The following DENND1B variants were observed in gnomAD, a reference collection of about 807,000 sequenced individuals.
DENND1B encodes the protein DENN domain containing 1B, also known as DENN domain-containing protein 1B.
In DENND1B, 59 loss-of-function variants were observed where a neutral mutation model predicts 90.1. The ratio of observed to expected loss-of-function variants is 0.65; its 90% CI spans 0.53 to 0.81. The LOEUF (loss-of-function observed/expected upper bound fraction) is 0.81. DENND1B is among the 40% of genes least tolerant of loss of function. The probability of loss-of-function intolerance (pLI) is 0.00; values close to 1 mark genes in which losing one functional copy is unlikely to be tolerated. For synonymous variants in DENND1B, 337 were observed against 324.6 expected, an observed-to-expected ratio of 1.04 and a Z score of -0.41; for missense variants, 862 against 912.6, an observed-to-expected ratio of 0.94 and a Z score of 0.71.
intron 16 of DENND1B, among the ~76,000 whole-genome samples, chr1:197,547,830 C>CA (rs34879882): frequency 1.3e-5 from 2 of 151,856 alleles, no homozygotes; most frequent in Non-Finnish European, 2.9e-5. Flanking sequence ...TAAACAACAA[C>CA]AAAAAAAACC....
chr1:197,741,149 A>T (rs901608060), intron 2 of DENND1B, among the ~76,000 whole-genome samples: 1 of 152,208 alleles, frequency 6.6e-6, no homozygotes, highest in Non-Finnish European at 1.5e-5. Context: ...CTATGTTGAT[A>T]AAGCTTGCTT....
At chr1:197,611,292 T>C (rs965719268) in intron 12 of DENND1B, among the ~76,000 whole-genome samples, 1 of 150,834 alleles carries the variant, frequency 6.6e-6, no homozygotes, top group Non-Finnish European at 1.5e-5. Context: ...TACCAAGACC[T>C]TCCTGGAAAT....
At position 197,617,643 on chromosome 1, in the gene DENND1B, G is replaced by C; in HGVS notation, c.773+16C>G. 6.3e-7 allele frequency: 1 copy of C among 1,592,008 alleles called. No homozygotes were observed. Among genetic ancestry groups the C allele is most frequent in the Non-Finnish European group, 8.6e-7 (1 of 1,162,056 alleles). ...TGAAACCTAAACTTAAAGGAGTCTG[G>C]CAAAAGCCAGCTTACCAGCAGTAGT... is the stretch of plus-strand genomic sequence containing the variant. On this transcript the variant is annotated intron_variant, in intron 11 of 22. Transcript: ENST00000620048.
chr1:197,713,801 T>TATAATATATTATAATAATATAA (rs1483373450), intron 3 of DENND1B, among the ~76,000 whole-genome samples: 1 of 32,586 alleles, frequency 3.1e-5, no homozygotes, highest in Non-Finnish European at 5.8e-5. Context: ...TATTATTATA[T>TATAATATATTATAATAATATAA]TATAATATAT....
intron 15 of DENND1B, among the ~76,000 whole-genome samples, chr1:197,561,725 C>G (rs1385100470): frequency 6.6e-6 from 1 of 151,898 alleles, no homozygotes; most frequent in Non-Finnish European, 1.5e-5. Flanking sequence ...TGCCCACAGT[C>G]TTCCCAATCT....
At chr1:197,620,172 T>A (rs1678025406) in intron 10 of DENND1B, among the ~76,000 whole-genome samples, 1 of 151,148 alleles carries the variant, frequency 6.6e-6, no homozygotes, top group Non-Finnish European at 1.5e-5. Flanking sequence ...ATTCACCTAG[T>A]AGCATGCAAG....
intron 15 of DENND1B, among the ~76,000 whole-genome samples, chr1:197,563,800 A>G (rs1340610554): frequency 1.3e-5 from 2 of 151,994 alleles, no homozygotes. Flanking sequence ...TCACCATTCT[A>G]GATATCATTA....
At chr1:197,634,435 T>C (rs759634174) in intron 10 of DENND1B, among the ~76,000 whole-genome samples, 20 of 152,134 alleles carry the variant, frequency 1.3e-4, no homozygotes, top group Non-Finnish European at 2.5e-4. Context: ...AATGAACAAA[T>C]GAACATTTTT....
intron 15 of DENND1B, among the ~76,000 whole-genome samples, chr1:197,559,467 C>G (rs1245163072): frequency 2.0e-5 from 3 of 151,878 alleles, no homozygotes; most frequent in Admixed American, 6.6e-5. Flanking sequence ...AATCTACACA[C>G]CCAAATTCCT....
At chr1:197,627,568 TATC>T (rs1678886200) in intron 10 of DENND1B, among the ~76,000 whole-genome samples, 1 of 151,970 alleles carries the variant, frequency 6.6e-6, no homozygotes, top group African/African-American at 2.4e-5. Context: ...CCACAGCCAA[TATC>T]ATACTGAATG....
intron 15 of DENND1B, among the ~76,000 whole-genome samples, chr1:197,578,886 C>G (rs1187454742): frequency 6.6e-6 from 1 of 151,868 alleles, no homozygotes; most frequent in Non-Finnish European, 1.5e-5. Context: ...TAGTTAGCCT[C>G]ACATAGTAGC....
intron 3 of DENND1B, among the ~76,000 whole-genome samples, chr1:197,709,848 G>A (rs1481901696): frequency 1.4e-5 from 2 of 141,358 alleles, no homozygotes; most frequent in Non-Finnish European, 3.0e-5. Context: ...CACGTGCAGA[G>A]ACACACATAG....
chr1:197,623,100 C>A (rs1678324507), intron 10 of DENND1B, among the ~76,000 whole-genome samples: 1 of 151,226 alleles, frequency 6.6e-6, no homozygotes, highest in Non-Finnish European at 1.5e-5. Context: ...TTGTAGAAAT[C>A]CTACACTTCA....
At chr1:197,514,312 AT>A (rs1668247943) in intron 20 of DENND1B, among the ~76,000 whole-genome samples, 2 of 151,710 alleles carry the variant, frequency 1.3e-5, no homozygotes, top group African/African-American at 4.8e-5. Flanking sequence ...CCTTTTAACA[AT>A]TTTGAGAGTG....
intron 12 of DENND1B, 80 bp from the exon 13 acceptor site, chr1:197,607,254 T>C (rs1211153461): frequency 3.2e-5 from 30 of 934,348 alleles, no homozygotes; most frequent in Non-Finnish European, 4.6e-5. Context: ...ACAGAAAACA[T>C]TATCTTAATG....
chr1:197,692,279 G>A (rs192636488), intron 3 of DENND1B, among the ~76,000 whole-genome samples: 5 of 151,726 alleles, frequency 3.3e-5, no homozygotes, highest in Non-Finnish European at 7.4e-5. Flanking sequence ...CCAATTCAAA[G>A]CACCTAAATC....
the DENND1B span, among the ~76,000 whole-genome samples, chr1:197,781,438 G>A: frequency 1.3e-5 from 2 of 152,074 alleles, no homozygotes; most frequent in African/African-American, 4.8e-5. Flanking sequence ...ATTTATTGAA[G>A]CTCTTAGGAA....
At position 197,729,771 on chromosome 1, in the gene DENND1B, T is replaced by C. The variant is rs140713385; in HGVS notation, c.83-14697A>G. ...TTTATTCTCTCAAATATCACTGAGG[T>C]CGTCAAAGAACTTTTGTTTAGGTGA... On this transcript the variant is annotated intron_variant, in intron 2 of 22. Coordinates refer to ENST00000620048, the MANE Select transcript of DENND1B (RefSeq NM_001195215.2). 7.5e-3 allele frequency among the ~76,000 whole-genome samples: 1,136 copies of C among 152,266 alleles called. 10 individuals are homozygous for C. The highest frequency in any genetic ancestry group is 0.011 in the Non-Finnish European group (766 of 67,994).
chr1:197,550,946 TAAAC>T (rs910827838), intron 16 of DENND1B, among the ~76,000 whole-genome samples: 3 of 152,054 alleles, frequency 2.0e-5, no homozygotes, highest in African/African-American at 7.2e-5. Flanking sequence ...TATTATGAGA[TAAAC>T]AACAAAGTTA....
Sources: allele counts gnomAD v4.1 joint callset (sites outside exome capture counted in the v4.1 genomes callset), GRCh38; gene constraint gnomAD v4.1.1; transcripts MANE v1.5; gene names NCBI Gene and HGNC (gene_info 2026-07-23, HGNC 2026-07-21).